SLC14A2: variants seen among roughly 807,000 people sequenced by gnomAD.
The protein encoded by SLC14A2 is solute carrier family 14 member 2.
A neutral mutation model predicts 104.6 loss-of-function variants in SLC14A2; 91 were observed. The observed-to-expected ratio is 0.87, with a 90% CI of 0.73 to 1.04. The LOEUF is 1.04. SLC14A2 is among the 50% of genes least tolerant of loss of function. The probability of loss-of-function intolerance (pLI) is 0.00; values close to 1 mark genes in which losing one functional copy is unlikely to be tolerated. For missense variants in SLC14A2, 1,189 were observed against 1,156.0 expected, an observed-to-expected ratio of 1.03 and a Z score of -0.41; for synonymous variants, 476 against 466.4, an observed-to-expected ratio of 1.02 and a Z score of -0.27.
intron 1 of SLC14A2, among the ~76,000 whole-genome samples, chr18:45,467,905 T>C (rs578068908): frequency 1.3e-5 from 2 of 152,146 alleles, no homozygotes; most frequent in Admixed American, 1.3e-4. Flanking sequence ...GTGGGAGGTA[T>C]GGGGAGAGAG....
intron 1 of SLC14A2, among the ~76,000 whole-genome samples, chr18:45,261,930 G>C (rs2084542974): frequency 6.6e-6 from 1 of 152,144 alleles, no homozygotes; most frequent in Non-Finnish European, 1.5e-5. Context: ...CCCAGTAATG[G>C]GATGGCTGGG....
chr18:45,682,392 C>T lies in SLC14A2; in HGVS notation c.2636C>T (p.Pro879Leu). 6.2e-7 allele frequency: 1 copy of T among 1,614,162 alleles called. No individual in the cohort carries two copies. Among genetic ancestry groups the T allele is most frequent in the Non-Finnish European group, 8.5e-7 (1 of 1,180,030 alleles). Reference sequence around the variant, plus strand: ...TTCCTGCTCCTGACGACCAATAACCCCGCCATCTACAAGCTCCCGCTCAGC... The same window carrying T: ...TTCCTGCTCCTGACGACCAATAACCTCGCCATCTACAAGCTCCCGCTCAGC... The part of the protein sequence containing the change: ...LTFLLLTTNN[P>L]AIYKLPLSKV... The change falls in exon 20 of 20, where the codon CCC becomes CTC. Residue 879 changes from proline (P) to leucine (L), a missense_variant. By Grantham distance (98) the Pro-to-Leu change is moderately conservative. Coordinates refer to ENST00000255226, the MANE Select transcript of SLC14A2 (RefSeq NM_007163.4).
intron 1 of SLC14A2, among the ~76,000 whole-genome samples, chr18:45,353,666 A>T (rs564260747): frequency 6.6e-6 from 1 of 152,304 alleles, no homozygotes; most frequent in South Asian, 2.1e-4. Context: ...GACAACAATA[A>T]GAATGCATAC....
chr18:45,368,600 C>T (rs1016975063), intron 1 of SLC14A2, among the ~76,000 whole-genome samples: 1 of 152,188 alleles, frequency 6.6e-6, no homozygotes, highest in Non-Finnish European at 1.5e-5. Flanking sequence ...CTCTGTTTAA[C>T]AATCCATGAA....
At chr18:45,297,231 G>A (rs1599652905) in intron 1 of SLC14A2, among the ~76,000 whole-genome samples, 1 of 152,320 alleles carries the variant, frequency 6.6e-6, no homozygotes. Flanking sequence ...TGAGGGTACA[G>A]CAACTATTGA....
intron 1 of SLC14A2, among the ~76,000 whole-genome samples, chr18:45,450,060 A>C (rs759123728): frequency 6.6e-6 from 1 of 152,236 alleles, no homozygotes; most frequent in South Asian, 2.1e-4. Context: ...CGCTTCTTCT[A>C]TGAACCATTT....
intron 1 of SLC14A2, among the ~76,000 whole-genome samples, chr18:45,297,696 C>T (rs1207728423): frequency 6.6e-6 from 1 of 152,160 alleles, no homozygotes; most frequent in Non-Finnish European, 1.5e-5. Context: ...GGCGCATGTT[C>T]TAAACTTTAA....
chr18:45,340,299 G>C (rs879815358), intron 1 of SLC14A2, among the ~76,000 whole-genome samples: 2 of 152,198 alleles, frequency 1.3e-5, no homozygotes, highest in Admixed American at 1.3e-4. Flanking sequence ...CTGGACCTAA[G>C]ATTTAGAAAT....
chr18:45,363,248 G>A (rs1160677101), intron 1 of SLC14A2, among the ~76,000 whole-genome samples: 1 of 152,172 alleles, frequency 6.6e-6, no homozygotes, highest in African/African-American at 2.4e-5. Context: ...GCTGGAGTTA[G>A]GGAGAGTGGC....
At chr18:45,272,562 A>G (rs1404708150) in intron 1 of SLC14A2, among the ~76,000 whole-genome samples, 2 of 152,008 alleles carry the variant, frequency 1.3e-5, no homozygotes, top group African/African-American at 2.4e-5. Context: ...GTACCCTTCT[A>G]GTTTCGTGGA....
chr18:45,221,385 G>A (rs1233317276), intron 1 of SLC14A2, among the ~76,000 whole-genome samples: 3 of 152,216 alleles, frequency 2.0e-5, no homozygotes, highest in Non-Finnish European at 4.4e-5. Flanking sequence ...CCAGGGGAAA[G>A]CCTCTAATTG....
chr18:45,468,422 G>A (rs1255643483), intron 1 of SLC14A2, among the ~76,000 whole-genome samples: 1 of 151,840 alleles, frequency 6.6e-6, no homozygotes, highest in Non-Finnish European at 1.5e-5. Flanking sequence ...TAGCAAAGGG[G>A]CAGAGCTTGT....
chr18:45,597,084 G>A (rs1206748790), intron 2 of SLC14A2, among the ~76,000 whole-genome samples: 1 of 152,200 alleles, frequency 6.6e-6, no homozygotes, highest in Non-Finnish European at 1.5e-5. Flanking sequence ...TTGGGAGGCC[G>A]AGGCGGGTGG....
At chr18:45,386,483 C>A (rs1034152494) in intron 1 of SLC14A2, among the ~76,000 whole-genome samples, 1 of 152,184 alleles carries the variant, frequency 6.6e-6, no homozygotes, top group African/African-American at 2.4e-5. Context: ...TGGACCCAAG[C>A]ATTCCCTCTG....
rs556832536 is a variant in SLC14A2, at chr18:45,532,289, G to T, written c.-35+48967G>T. 4.9e-4 allele frequency among the ~76,000 whole-genome samples: 74 copies of T among 152,200 alleles called. 1 individual carries two copies. The East Asian group carries it at 0.013, about 27-fold the overall frequency. On this transcript the variant is annotated intron_variant, in intron 2 of 20. Coordinates refer to the SLC14A2 transcript ENST00000586448. ...GGCATTGAATCTATAAATTACCTTG[G>T]GCAGTATGGCCATTTTCACAATATT... is the stretch of plus-strand genomic sequence containing the variant.
chr18:45,385,096 CA>C (rs1568176676), intron 1 of SLC14A2, among the ~76,000 whole-genome samples: 1 of 152,222 alleles, frequency 6.6e-6, no homozygotes, highest in Non-Finnish European at 1.5e-5. Flanking sequence ...AAAACATCTG[CA>C]CACTGAAATC....
intron 2 of SLC14A2, among the ~76,000 whole-genome samples, chr18:45,590,507 A>G (rs1018006897): frequency 6.6e-6 from 1 of 152,186 alleles, no homozygotes; most frequent in Non-Finnish European, 1.5e-5. Flanking sequence ...TGTTTTCTGG[A>G]AACCGCCACA....
the SLC14A2 span, among the ~76,000 whole-genome samples, chr18:45,201,835 A>G: frequency 6.6e-6 from 1 of 152,122 alleles, no homozygotes; most frequent in Admixed American, 6.6e-5. Context: ...TTATAAAATC[A>G]TTAGATTTAT....
Position 45,627,127 on chromosome 18 carries a change from T to C in SLC14A2, c.501T>C (p.Ala167=). ...GGACAGTGGTCTCGACCTTAACAGC[T>C]CTCGCCTTGGGCCAAGACAGGTGGG... ...GLGTVVSTLT[A]LALGQDRSAI... Residue 167 remains alanine, a synonymous_variant, in exon 4 of 20, where the codon GCT becomes GCC. Coordinates refer to ENST00000255226, the MANE Select transcript of SLC14A2 (RefSeq NM_007163.4). 1 of 1,614,146 alleles carries C rather than the reference T, an allele frequency of 6.2e-7. No individual in the cohort carries two copies. The highest frequency in any genetic ancestry group is 8.5e-7 in the Non-Finnish European group (1 of 1,180,010).
Sources: allele counts gnomAD v4.1 joint callset (sites outside exome capture counted in the v4.1 genomes callset), GRCh38; gene constraint gnomAD v4.1.1; transcripts MANE v1.5; gene names NCBI Gene and HGNC (gene_info 2026-07-23, HGNC 2026-07-21).